DTWD2: variants seen among roughly 807,000 people sequenced by gnomAD.
DTWD2 encodes tRNA-uridine aminocarboxypropyltransferase 2.
DTWD2 carries 39 observed loss-of-function variants against 31.8 expected under a neutral mutation model. The ratio of observed to expected loss-of-function variants is 1.22; its 90% CI spans 0.95 to 1.60. DTWD2 has a LOEUF of 1.60. Among genes scored for constraint, DTWD2 ranks in the 40% most tolerant of loss-of-function variants. The pLI, the probability that DTWD2 is intolerant of heterozygous loss-of-function variation, is 0.00. For synonymous variants in DTWD2, 180 were observed against 142.8 expected (o/e 1.26, Z -1.86); for missense variants, 515 against 381.5 (o/e 1.35, Z -2.92).
intron 4 of DTWD2, among the ~76,000 whole-genome samples, chr5:118,863,123 C>T (rs1752304386): frequency 6.6e-6 from 1 of 152,120 alleles, no homozygotes. Context: ...GCAATGGCAA[C>T]CTCAATAACA....
intron 1 of DTWD2, among the ~76,000 whole-genome samples, chr5:118,983,177 C>G (rs1385936821): frequency 6.6e-6 from 1 of 152,086 alleles, no homozygotes; most frequent in Non-Finnish European, 1.5e-5. Flanking sequence ...CTATAGGGGG[C>G]CAGCAGTTAA....
chr5:118,843,814 C>A (rs866768317), intron 5 of DTWD2, among the ~76,000 whole-genome samples: 1 of 152,218 alleles, frequency 6.6e-6, no homozygotes, highest in Non-Finnish European at 1.5e-5. Flanking sequence ...GTACTCCCTA[C>A]AGCTGTTCAC....
chr5:118,862,106 C>T (rs745738145), intron 4 of DTWD2, among the ~76,000 whole-genome samples: 2 of 152,202 alleles, frequency 1.3e-5, no homozygotes, highest in African/African-American at 4.8e-5. Context: ...CTCGTAGAAG[C>T]GCCAACCCTA....
At chr5:118,955,023 C>T (rs962254559) in intron 1 of DTWD2, among the ~76,000 whole-genome samples, 9 of 151,998 alleles carry the variant, frequency 5.9e-5, no homozygotes, top group Non-Finnish European at 1.3e-4. Context: ...ATTTTGTGAT[C>T]ATTTTGATAA....
At chr5:118,987,447 T>G (rs1755453384) in intron 1 of DTWD2, among the ~76,000 whole-genome samples, 1 of 152,240 alleles carries the variant, frequency 6.6e-6, no homozygotes, top group African/African-American at 2.4e-5. Flanking sequence ...ATTCAGTCCT[T>G]CTGTTCCCCT....
At chr5:118,976,361 G>C (rs945945095) in intron 1 of DTWD2, among the ~76,000 whole-genome samples, 8 of 151,514 alleles carry the variant, frequency 5.3e-5, no homozygotes, top group African/African-American at 1.7e-4. Context: ...AGAAGATAGA[G>C]ACACAAAAAA....
At chr5:118,987,254 A>C (rs1755448979) in intron 1 of DTWD2, among the ~76,000 whole-genome samples, 1 of 152,170 alleles carries the variant, frequency 6.6e-6, no homozygotes, top group Non-Finnish European at 1.5e-5. Flanking sequence ...TTCTAATCAC[A>C]AATTTTCCAT....
At chr5:118,853,989 T>G (rs1752072582) in intron 4 of DTWD2, among the ~76,000 whole-genome samples, 2 of 152,216 alleles carry the variant, frequency 1.3e-5, no homozygotes, top group South Asian at 4.1e-4. Context: ...AAACAACTAC[T>G]TTAATCATGT....
intron 1 of DTWD2, among the ~76,000 whole-genome samples, chr5:118,968,995 C>G (rs1754920063): frequency 6.6e-6 from 1 of 152,194 alleles, no homozygotes; most frequent in Non-Finnish European, 1.5e-5. Flanking sequence ...GCCGGCTCCT[C>G]TGGGGAGTCC....
intron 1 of DTWD2, among the ~76,000 whole-genome samples, chr5:118,968,572 C>T (rs753804700): frequency 6.6e-6 from 1 of 152,138 alleles, no homozygotes; most frequent in Non-Finnish European, 1.5e-5. Flanking sequence ...AGTGAGTGTG[C>T]GACCCCACCC....
At chr5:118,961,363 T>C (rs994179194) in intron 1 of DTWD2, among the ~76,000 whole-genome samples, 1 of 152,220 alleles carries the variant, frequency 6.6e-6, no homozygotes, top group Non-Finnish European at 1.5e-5. Flanking sequence ...TAATCACTCT[T>C]TCCTCTGCAA....
chr5:118,904,094 C>G (rs932763188), intron 4 of DTWD2, among the ~76,000 whole-genome samples: 4 of 151,910 alleles, frequency 2.6e-5, no homozygotes, highest in Admixed American at 1.3e-4. Context: ...GATCAGATAC[C>G]ACTTCACAAA....
chr5:118,875,563 G>GAAAAAAAA (rs34990814), intron 4 of DTWD2, among the ~76,000 whole-genome samples: 1 of 44,554 alleles, frequency 2.2e-5, no homozygotes, highest in African/African-American at 8.2e-5. Flanking sequence ...CCTAGTTTCT[G>GAAAAAAAA]AAAAAAAAAA....
intron 1 of DTWD2, among the ~76,000 whole-genome samples, chr5:118,945,330 C>T (rs1038302858): frequency 2.0e-5 from 3 of 151,796 alleles, no homozygotes; most frequent in African/African-American, 4.9e-5. Context: ...GCTATACCTC[C>T]TATCTCTGTC....
intron 4 of DTWD2, among the ~76,000 whole-genome samples, chr5:118,852,204 G>T (rs371649534): frequency 6.6e-6 from 1 of 152,098 alleles, no homozygotes; most frequent in Non-Finnish European, 1.5e-5. Flanking sequence ...GTCTTCTGTT[G>T]TTCCCTAAAA....
At chr5:118,879,851 A>C (rs1752702600) in intron 4 of DTWD2, among the ~76,000 whole-genome samples, 1 of 152,108 alleles carries the variant, frequency 6.6e-6, no homozygotes, top group Non-Finnish European at 1.5e-5. Flanking sequence ...TAACTAATGA[A>C]TACTAGGATT....
chr5:118,929,333 T>C (rs1019535772), intron 3 of DTWD2, among the ~76,000 whole-genome samples: 13 of 152,250 alleles, frequency 8.5e-5, no homozygotes, highest in African/African-American at 3.1e-4. Context: ...AGTATGCACC[T>C]GTAACAATGG....
chr5:118,871,927 C>T (rs1752514716), intron 4 of DTWD2, among the ~76,000 whole-genome samples: 1 of 152,160 alleles, frequency 6.6e-6, no homozygotes, highest in Non-Finnish European at 1.5e-5. Context: ...CATTAAAAAC[C>T]TACTGTTTAG....
intron 1 of DTWD2, among the ~76,000 whole-genome samples, chr5:118,960,204 A>T (rs1443327284): frequency 6.6e-6 from 1 of 152,250 alleles, no homozygotes; most frequent in Non-Finnish European, 1.5e-5. Context: ...ACAAAGGTCT[A>T]ATATTCAGAA....
Sources: gnomAD v4.1 joint callset for allele counts (sites outside exome capture counted in the v4.1 genomes callset) on GRCh38, gnomAD v4.1.1 for gene constraint, MANE v1.5 for transcripts, NCBI Gene and HGNC (gene_info 2026-07-23, HGNC 2026-07-21) for gene names.